CDH18: variants seen among roughly 807,000 people sequenced by gnomAD.
The protein encoded by CDH18 is cadherin 18.
Under a neutral mutation model 67.9 loss-of-function variants are expected in CDH18, and 31 were observed. That is an observed-to-expected ratio of 0.46 (90% CI 0.34 to 0.62). The LOEUF is 0.62. Among genes scored for constraint, CDH18 ranks in the 20% least tolerant of loss-of-function variants. The probability of loss-of-function intolerance (pLI) is 0.01; values close to 1 mark genes in which losing one functional copy is unlikely to be tolerated. For synonymous variants in CDH18, 362 were observed against 347.2 expected (o/e 1.04, Z -0.48); for missense variants, 890 against 975.5 (o/e 0.91, Z 1.17).
chr5:20,418,999 T>C (rs1425342318), intron 1 of CDH18, among the ~76,000 whole-genome samples: 1 of 151,946 alleles, frequency 6.6e-6, no homozygotes, highest in Non-Finnish European at 1.5e-5. Context: ...ATGAGGGATA[T>C]GGTTTGGCCG....
intron 2 of CDH18, among the ~76,000 whole-genome samples, chr5:19,892,741 C>A (rs1261376169): frequency 6.6e-6 from 1 of 152,052 alleles, no homozygotes; most frequent in Non-Finnish European, 1.5e-5. Flanking sequence ...GGTACCGATT[C>A]CGAGAACATA....
chr5:19,635,420 A>G (rs923144380), intron 5 of CDH18, among the ~76,000 whole-genome samples: 4 of 152,186 alleles, frequency 2.6e-5, no homozygotes, highest in Non-Finnish European at 4.4e-5. Context: ...TCATCTTCTC[A>G]TAGTTTAATT....
chr5:20,233,748 A>G (rs918391752), intron 2 of CDH18, among the ~76,000 whole-genome samples: 1 of 152,094 alleles, frequency 6.6e-6, no homozygotes, highest in Non-Finnish European at 1.5e-5. Context: ...GTATTTCATT[A>G]TGTTTTACTA....
Position 20,568,752 on chromosome 5 carries a change from C to T in CDH18, c.-580+6710G>A, listed in dbSNP as rs148662806. ...CTACTAAACATCTTGAGAAACTGGT[C>T]GTCTTATTTATGCTTCGTACACTCA... is the stretch of plus-strand genomic sequence containing the variant. On this transcript the variant is annotated intron_variant, in intron 1 of 14. Transcript: ENST00000507958. Among the ~76,000 whole-genome samples the T allele has an allele frequency of 4.3e-4, 65 of 152,174 alleles. No individual in the cohort carries two copies. In the East Asian group the frequency reaches 7.7e-3, roughly 18 times the overall value.
chr5:20,353,787 C>T (rs907668948), intron 1 of CDH18, among the ~76,000 whole-genome samples: 5 of 152,194 alleles, frequency 3.3e-5, no homozygotes, highest in African/African-American at 1.2e-4. Flanking sequence ...TTTTCTGGCA[C>T]TCTGCACCAG....
chr5:19,839,045 T>A lies in CDH18; in HGVS notation c.-59A>T. 7.4e-7 allele frequency: 1 copy of A among 1,357,114 alleles called. No individual in the cohort carries two copies. Among genetic ancestry groups the A allele is most frequent in the Non-Finnish European group, 1.1e-6 (1 of 950,882 alleles). 84.1% of individuals were successfully genotyped at this position (1,357,114 alleles called of 1,614,324 possible). On this transcript the variant is annotated 5_prime_UTR_variant, in exon 3 of 13. It removes the in-frame stop codon of an upstream open reading frame in the 5' UTR. Coordinates refer to ENST00000382275, the MANE Select transcript of CDH18 (RefSeq NM_004934.5). ...CCTTTCCTTGTCAGCTACGAAAGCT[T>A]AGTGAGCATTCAAGAGAGAAGCCAG...
At position 20,405,910 on chromosome 5, in the gene CDH18, G is replaced by C. The variant is rs540002853; in HGVS notation, c.-579-150405C>G. Among the ~76,000 whole-genome samples the C allele has an allele frequency of 8.1e-4, 124 of 152,174 alleles. 1 individual carries two copies. Among genetic ancestry groups the C allele is most frequent in the African/African-American group, 2.8e-3 (118 of 41,524 alleles). ...ACCATCTCACACCAGTTAGAATGGC[G>C]ATCATTAAAAAGTCAGGAAACAACA... On this transcript the variant is annotated intron_variant, in intron 1 of 14. Coordinates refer to the CDH18 transcript ENST00000507958.
intron 2 of CDH18, among the ~76,000 whole-genome samples, chr5:20,231,892 TATAGTA>T (rs1318998051): frequency 1.8e-4 from 27 of 152,184 alleles, no homozygotes; most frequent in African/African-American, 6.5e-4. Context: ...AAATTAAAAT[TATAGTA>T]ATAGTAACTT....
At chr5:19,568,653 CT>C (rs1403252397) in intron 8 of CDH18, among the ~76,000 whole-genome samples, 2 of 152,122 alleles carry the variant, frequency 1.3e-5, no homozygotes, top group Non-Finnish European at 2.9e-5. Flanking sequence ...TTCTTTCTTT[CT>C]GCTCTTCACT....
At chr5:20,310,855 T>C (rs532058316) in intron 1 of CDH18, among the ~76,000 whole-genome samples, 1 of 152,178 alleles carries the variant, frequency 6.6e-6, no homozygotes, top group Non-Finnish European at 1.5e-5. Flanking sequence ...CAATCTGTCA[T>C]TGCTGTTTTT....
chr5:19,674,235 G>A (rs1759154435), intron 5 of CDH18, among the ~76,000 whole-genome samples: 1 of 151,870 alleles, frequency 6.6e-6, no homozygotes, highest in Non-Finnish European at 1.5e-5. Context: ...AGTTGACTTT[G>A]CAAAATGAAA....
chr5:19,776,007 A>C (rs1774318803), intron 3 of CDH18, among the ~76,000 whole-genome samples: 1 of 152,176 alleles, frequency 6.6e-6, no homozygotes. Flanking sequence ...ATGTACAATA[A>C]AACTAAAGAA....
At chr5:19,733,588 G>A (rs1336595834) in intron 4 of CDH18, among the ~76,000 whole-genome samples, 1 of 152,036 alleles carries the variant, frequency 6.6e-6, no homozygotes, top group East Asian at 1.9e-4. Flanking sequence ...CACCAAATGA[G>A]GGTGCCCAGA....
intron 1 of CDH18, among the ~76,000 whole-genome samples, chr5:20,492,640 G>C (rs985654105): frequency 2.0e-5 from 3 of 152,110 alleles, no homozygotes; most frequent in South Asian, 2.1e-4. Context: ...GTGTAAATAA[G>C]TAAATGGTAT....
chr5:19,965,223 TGCC>T (rs1476486433), intron 2 of CDH18, among the ~76,000 whole-genome samples: 5 of 152,108 alleles, frequency 3.3e-5, no homozygotes, highest in Non-Finnish European at 5.9e-5. Flanking sequence ...AGCATAACAA[TGCC>T]ATAAGCTATT....
At chr5:20,256,226 C>A (rs1744225418) in intron 1 of CDH18, among the ~76,000 whole-genome samples, 1 of 151,776 alleles carries the variant, frequency 6.6e-6, no homozygotes, top group Admixed American at 6.6e-5. Context: ...ATTGGAAAGT[C>A]AATATTAAAA....
intron 3 of CDH18, among the ~76,000 whole-genome samples, chr5:19,770,232 C>T (rs1295231610): frequency 6.6e-6 from 1 of 151,284 alleles, no homozygotes; most frequent in African/African-American, 2.4e-5. Context: ...ATTAATATAA[C>T]AAGGGACTTT....
chr5:20,472,152 T>C (rs2150241502), intron 1 of CDH18, among the ~76,000 whole-genome samples: 1 of 152,340 alleles, frequency 6.6e-6, no homozygotes, highest in African/African-American at 2.4e-5. Flanking sequence ...TTATCTTCTA[T>C]GAGACCTTAA....
intron 3 of CDH18, among the ~76,000 whole-genome samples, chr5:19,751,314 G>A (rs1307129603): frequency 2.6e-5 from 4 of 152,112 alleles, no homozygotes; most frequent in Non-Finnish European, 5.9e-5. Flanking sequence ...CATTTACAAA[G>A]TTCAGTTTAA....
Sources: allele counts gnomAD v4.1 joint callset (sites outside exome capture counted in the v4.1 genomes callset), GRCh38; gene constraint gnomAD v4.1.1; transcripts MANE v1.5; gene names NCBI Gene and HGNC (gene_info 2026-07-23, HGNC 2026-07-21).